Variants in NXPE2 observed in about 807,000 individuals in gnomAD.
NXPE2 encodes neurexophilin and PC-esterase domain family member 2, also known as NXPE family member 2.
NXPE2 carries 34 observed loss-of-function variants against 34.4 expected under a neutral mutation model. That is an observed-to-expected ratio of 0.99 (90% confidence interval 0.75 to 1.31). The LOEUF is 1.31. Among genes scored for constraint, NXPE2 ranks in the 40% most tolerant of loss-of-function variants. The pLI is 0.00. For synonymous variants in NXPE2, 235 were observed against 231.3 expected (o/e 1.02, Z -0.15); for missense variants, 649 against 672.5 (o/e 0.97, Z 0.39).
chr11:114,788,317 A>G, the NXPE2 span, among the ~76,000 whole-genome samples: 38 of 152,298 alleles, frequency 2.5e-4, no homozygotes, highest in South Asian at 7.5e-3. Context: ...GAGAAATTCC[A>G]GTCACTGACA....
chr11:114,492,771 C>T, the NXPE2 span, among the ~76,000 whole-genome samples: 1 of 152,114 alleles, frequency 6.6e-6, no homozygotes, highest in African/African-American at 2.4e-5. Flanking sequence ...AATTTCTTGA[C>T]CTCGTGATCC....
chr11:114,706,417 T>C lies in NXPE2; in HGVS notation c.1167T>C (p.His389=), dbSNP rs1329837643. 3 of 1,540,310 alleles carry C rather than the reference T, an allele frequency of 1.9e-6. No homozygotes were observed. The African/African-American group carries it at 4.2e-5, about 21-fold the overall frequency. ...AVKTLKYFDH[H]GAGIFKTHVL... ...CAGCCCTAAAATATTTTGATCATCA[T>C]GGAGCTGGGATCTTTAAAACACATG... is the stretch of plus-strand genomic sequence containing the variant. Residue 389 remains histidine (H), a synonymous_variant, in exon 6 of 6, where the codon CAT becomes CAC. Transcript: ENST00000389586.
the NXPE2 span, among the ~76,000 whole-genome samples, chr11:114,630,561 A>G: frequency 6.6e-6 from 1 of 151,722 alleles, no homozygotes; most frequent in Non-Finnish European, 1.5e-5. Context: ...ACCTAAAACC[A>G]TAAAAACCCC....
the NXPE2 span, among the ~76,000 whole-genome samples, chr11:114,469,109 C>CTTTTTTTT: frequency 2.5e-3 from 226 of 88,878 alleles, 12 homozygotes; most frequent in East Asian, 4.7e-3. Context: ...ACAGTGCTAG[C>CTTTTTTTT]TTTTTTTTTT....
the NXPE2 span, among the ~76,000 whole-genome samples, chr11:114,566,349 GA>G: frequency 1.3e-5 from 2 of 152,154 alleles, no homozygotes; most frequent in African/African-American, 4.8e-5. Flanking sequence ...ATTGGCAAAG[GA>G]AAATGGGAAG....
the NXPE2 span, among the ~76,000 whole-genome samples, chr11:114,749,137 C>T: frequency 2.6e-5 from 4 of 152,086 alleles, no homozygotes; most frequent in Middle Eastern, 3.2e-3. Flanking sequence ...GTAAAGCATA[C>T]GTATTTAGAA....
At chr11:114,530,376 T>C in the NXPE2 span, 2 of 1,614,216 alleles carry the variant, frequency 1.2e-6, no homozygotes, top group Non-Finnish European at 1.7e-6. Context: ...AGAGGTGCCA[T>C]TAACAAATTT....
At chr11:114,793,694 G>A in the NXPE2 span, among the ~76,000 whole-genome samples, 1 of 152,192 alleles carries the variant, frequency 6.6e-6, no homozygotes, top group East Asian at 1.9e-4. Context: ...TTGGGGAAAT[G>A]AGGAGCGAAA....
the NXPE2 span, among the ~76,000 whole-genome samples, chr11:114,639,833 A>ATGT: frequency 8.5e-6 from 1 of 117,412 alleles, no homozygotes; most frequent in African/African-American, 3.5e-5. Flanking sequence ...AATATATATT[A>ATGT]TATTAAATAT....
upstream of NXPE2, among the ~76,000 whole-genome samples, chr11:114,674,457 A>G (rs1448421026): frequency 6.6e-6 from 1 of 151,782 alleles, no homozygotes; most frequent in Non-Finnish European, 1.5e-5. Flanking sequence ...CAAAGTTGTT[A>G]GCACTTTAAA....
chr11:114,526,681 A>T, the NXPE2 span: 4 of 152,232 alleles, frequency 2.6e-5, no homozygotes, highest in African/African-American at 7.2e-5. Flanking sequence ...GAAGAAGTCC[A>T]TGATGACTTT....
At chr11:114,613,419 G>C in the NXPE2 span, among the ~76,000 whole-genome samples, 1 of 151,638 alleles carries the variant, frequency 6.6e-6, no homozygotes, top group Non-Finnish European at 1.5e-5. Flanking sequence ...CTGTTACCTG[G>C]TGGATAATAA....
upstream of NXPE2, chr11:114,678,490 G>T: frequency 9.1e-7 from 1 of 1,093,260 alleles, no homozygotes. Flanking sequence ...AGCTCATAGG[G>T]AAACTCCAAC....
chr11:114,777,329 C>A, the NXPE2 span, among the ~76,000 whole-genome samples: 2 of 152,220 alleles, frequency 1.3e-5, no homozygotes, highest in South Asian at 2.1e-4. Context: ...TACCTTGTTA[C>A]ATGATTTGGG....
At chr11:114,653,245 A>G in the NXPE2 span, among the ~76,000 whole-genome samples, 1 of 152,214 alleles carries the variant, frequency 6.6e-6, no homozygotes, top group Non-Finnish European at 1.5e-5. Context: ...TGCAAAAGGC[A>G]ATGTAAGCAA....
chr11:114,729,046 A>G, the NXPE2 span, among the ~76,000 whole-genome samples: 48,909 of 151,844 alleles, frequency 0.32, 7,919 homozygotes, highest in East Asian at 0.43. Flanking sequence ...ATGGTACCCA[A>G]TAGTTTTTCA....
chr11:114,602,282 A>G, the NXPE2 span, among the ~76,000 whole-genome samples: 3 of 118,874 alleles, frequency 2.5e-5, no homozygotes, highest in African/African-American at 3.4e-5. Context: ...TATACTATAT[A>G]TATGTTATCT....
At chr11:114,582,860 T>C in the NXPE2 span, 1 of 1,614,140 alleles carries the variant, frequency 6.2e-7, no homozygotes, top group Non-Finnish European at 8.5e-7. Flanking sequence ...GGGTGAAAGG[T>C]CTGGGTGGGA....
chr11:114,567,375 C>G, the NXPE2 span, among the ~76,000 whole-genome samples: 1 of 151,998 alleles, frequency 6.6e-6, no homozygotes, highest in African/African-American at 2.4e-5. Context: ...GGAGGATTCC[C>G]TTCTGCTTGT....
Sources: allele counts gnomAD v4.1 joint callset (sites outside exome capture counted in the v4.1 genomes callset), GRCh38; gene constraint gnomAD v4.1.1; transcripts MANE v1.5; gene names NCBI Gene and HGNC (gene_info 2026-07-23, HGNC 2026-07-21).